The following TNFRSF8 variants were observed in gnomAD, a reference collection of about 807,000 sequenced individuals.
TNFRSF8 encodes TNF receptor superfamily member 8, also known as tumor necrosis factor receptor superfamily member 8.
In TNFRSF8, 26 loss-of-function variants were observed where a neutral mutation model predicts 70.8. That is an observed-to-expected ratio of 0.37 (90% confidence interval 0.27 to 0.51). The LOEUF (loss-of-function observed/expected upper bound fraction) is 0.51, where lower values mean the gene tolerates loss of function less well. Among genes scored for constraint, TNFRSF8 ranks in the 20% least tolerant of loss-of-function variants. The probability of loss-of-function intolerance (pLI) is 0.94; values close to 1 mark genes in which losing one functional copy is unlikely to be tolerated. For synonymous variants in TNFRSF8, 356 were observed against 339.2 expected (o/e 1.05, Z -0.54); for missense variants, 720 against 807.9 (o/e 0.89, Z 1.32).
Position 12,109,399 on chromosome 1 carries a change from GCTTT to G in TNFRSF8, c.422-166_422-163del, listed in dbSNP as rs1413204148. On this transcript the variant is annotated intron_variant, in intron 4 of 14. Transcript: ENST00000263932. The surrounding 1 kb of genome is among the most constrained non-coding windows in gnomAD (Gnocchi z 4.4). The stretch of plus-strand genomic sequence containing the variant: ...GTAATTCCCCAGGGAAAGATAGGCT[GCTTT>G]ACTCTGAAGGGGAACGGGTGCCAGG... Among the ~76,000 whole-genome samples, 1 of 152,162 alleles carries G rather than the reference GCTTT, an allele frequency of 6.6e-6. No individual in the cohort carries two copies. The highest frequency in any genetic ancestry group is 1.9e-4 in the East Asian group (1 of 5,192).
At chr1:12,070,847 G>A (rs776835462) in intron 1 of TNFRSF8, among the ~76,000 whole-genome samples, 3 of 152,194 alleles carry the variant, frequency 2.0e-5, no homozygotes, top group Non-Finnish European at 2.9e-5. Context: ...GGGGTTGGGT[G>A]TTGAAATGTG....
In TNFRSF8 at chr1:12,088,965, A is replaced by G. The variant is rs963407012; in HGVS notation, c.151+4414A>G. 3.3e-5 allele frequency among the ~76,000 whole-genome samples: 5 copies of G among 152,052 alleles called. No homozygotes were observed. Among genetic ancestry groups the G allele is most frequent in the African/African-American group, 1.2e-4 (5 of 41,460 alleles). The stretch of plus-strand genomic sequence containing the variant: ...GTGCCCTCTGACACTGTCCCAGCAG[A>G]GCCCCCTCACAGCACCTCCTGGCCC... On this transcript the variant is annotated intron_variant, in intron 2 of 14. Coordinates refer to ENST00000263932, the MANE Select transcript of TNFRSF8 (RefSeq NM_001243.5). This position sits in a 1 kb window ranked among gnomAD's most constrained non-coding sequence, Gnocchi z 4.0.
chr1:12,142,280 C>T lies in TNFRSF8; in HGVS notation c.1544-7C>T, dbSNP rs1451877062. ...CTCCCTCGCTCACCCATCCTTTTGC[C>T]TTGCAGAGAAAATCTACATCATGAA... is the stretch of plus-strand genomic sequence containing the variant. On this transcript the variant is annotated splice_polypyrimidine_tract_variant and splice_region_variant and intron_variant, in intron 14 of 14. Coordinates refer to ENST00000263932, the MANE Select transcript of TNFRSF8 (RefSeq NM_001243.5). This position sits in a 1 kb window ranked among gnomAD's most constrained non-coding sequence, Gnocchi z 5.0. 4.4e-6 allele frequency: 7 copies of T among 1,583,174 alleles called. No homozygotes were observed. The Admixed American group carries it at 5.3e-5, about 12-fold the overall frequency.
chr1:12,105,623 T>C (rs1243287056), intron 4 of TNFRSF8, among the ~76,000 whole-genome samples: 2 of 151,768 alleles, frequency 1.3e-5, no homozygotes, highest in African/African-American at 4.8e-5. Flanking sequence ...AATGCTTCAG[T>C]ATCTTCCTGT....
At chr1:12,140,145 G>A (rs535200744) in intron 14 of TNFRSF8, among the ~76,000 whole-genome samples, 1 of 152,372 alleles carries the variant, frequency 6.6e-6, no homozygotes, top group South Asian at 2.1e-4. Context: ...GGAGAAGGAA[G>A]TACCAGGCTC....
At chr1:12,135,384 A>G (rs1258266290) in intron 12 of TNFRSF8, among the ~76,000 whole-genome samples, 1 of 149,464 alleles carries the variant, frequency 6.7e-6, no homozygotes, top group Non-Finnish European at 1.5e-5. Context: ...TCCATCTGCC[A>G]CTGGAGAAGT....
rs1445787743 is a variant in TNFRSF8 at position 12,135,601 on chromosome 1, G to C, written c.1323G>C (p.Arg441Ser). 6.2e-7 allele frequency: 1 copy of C among 1,614,146 alleles called. No individual in the cohort carries two copies. The highest frequency in any genetic ancestry group is 8.5e-7 in the Non-Finnish European group (1 of 1,180,016). ...TGCTTTTTGCAGATTCCAGACCCAG[G>C]AGGAGCTCAACGGTAAGTACCCCTC... ...PKLELVDSRPRRSSTQLRSGA... is the reference protein window; with the variant it reads ...PKLELVDSRPSRSSTQLRSGA... Residue 441 changes from arginine to serine, a missense_variant, in exon 13 of 15, where the codon AGG becomes AGC. Coordinates refer to ENST00000263932, the MANE Select transcript of TNFRSF8 (RefSeq NM_001243.5).
At chr1:12,094,190 A>G (rs933530651) in intron 2 of TNFRSF8, among the ~76,000 whole-genome samples, 1 of 152,166 alleles carries the variant, frequency 6.6e-6, no homozygotes, top group African/African-American at 2.4e-5. Context: ...GATTGAGCTC[A>G]CAAATAAATG....
At chr1:12,137,683 G>A (rs1367362959) in intron 13 of TNFRSF8, among the ~76,000 whole-genome samples, 1 of 151,522 alleles carries the variant, frequency 6.6e-6, no homozygotes, top group Non-Finnish European at 1.5e-5. Flanking sequence ...TTTTTAGAAT[G>A]CTTGAGTGTG....
intron 8 of TNFRSF8, among the ~76,000 whole-genome samples, chr1:12,118,591 G>A (rs11811120): frequency 1.3e-5 from 2 of 152,272 alleles, no homozygotes; most frequent in Middle Eastern, 3.4e-3. Flanking sequence ...AATTCACGAA[G>A]TCGTTACATC....
intron 3 of TNFRSF8, among the ~76,000 whole-genome samples, chr1:12,099,531 C>T (rs1641384244): frequency 6.6e-6 from 1 of 152,082 alleles, no homozygotes; most frequent in Non-Finnish European, 1.5e-5. Flanking sequence ...GTTCCTCCTG[C>T]CTCAGCCTCC....
At chr1:12,099,250 G>A (rs751643363) in intron 3 of TNFRSF8, among the ~76,000 whole-genome samples, 1 of 151,810 alleles carries the variant, frequency 6.6e-6, no homozygotes, top group Non-Finnish European at 1.5e-5. Flanking sequence ...TCCTGGATTC[G>A]AGCGATTCTC....
intron 8 of TNFRSF8, among the ~76,000 whole-genome samples, chr1:12,122,884 A>G (rs1641858038): frequency 6.6e-6 from 1 of 151,874 alleles, no homozygotes; most frequent in African/African-American, 2.4e-5. Flanking sequence ...GCTGGAGTGC[A>G]GTGGCATGAT....
intron 1 of TNFRSF8, among the ~76,000 whole-genome samples, chr1:12,083,954 G>C (rs1218001385): frequency 6.6e-6 from 1 of 152,162 alleles, no homozygotes; most frequent in Non-Finnish European, 1.5e-5. Context: ...GATGACGGAG[G>C]AGCTGGGGCT....
In TNFRSF8 at chr1:12,110,122, C is replaced by G; in HGVS notation, c.594C>G (p.Thr198=). Residue 198 remains threonine (T), a synonymous_variant, in exon 6 of 15, where the codon ACC becomes ACG. Coordinates refer to ENST00000263932, the MANE Select transcript of TNFRSF8 (RefSeq NM_001243.5). The surrounding 1 kb of genome is among the most constrained non-coding windows in gnomAD (Gnocchi z 4.0). Reference sequence around the variant, plus strand: ...GCACCATGCCTGTAAGAGGGGGCACCCGCCTCGCCCAGGAAGCTGCTTCTA... The same window carrying G: ...GCACCATGCCTGTAAGAGGGGGCACGCGCCTCGCCCAGGAAGCTGCTTCTA... ...SASTMPVRGG[T]RLAQEAASKL... 1 of 1,613,746 alleles carries G rather than the reference C, an allele frequency of 6.2e-7. No homozygotes were observed.
At chr1:12,132,504 T>G (rs1352807429) in intron 12 of TNFRSF8, among the ~76,000 whole-genome samples, 1 of 152,180 alleles carries the variant, frequency 6.6e-6, no homozygotes, top group African/African-American at 2.4e-5. Context: ...AGTTATGCAT[T>G]GGGGGAAGAA....
intron 2 of TNFRSF8, among the ~76,000 whole-genome samples, chr1:12,091,976 T>TA (rs1236836667): frequency 2.0e-5 from 3 of 151,978 alleles, no homozygotes; most frequent in Non-Finnish European, 4.4e-5. Flanking sequence ...GCTCAGGAGG[T>TA]AATGCTCGCT....
intron 1 of TNFRSF8, among the ~76,000 whole-genome samples, chr1:12,068,376 G>T (rs940960689): frequency 6.6e-6 from 1 of 152,150 alleles, no homozygotes; most frequent in South Asian, 2.1e-4. Flanking sequence ...AGGCCCAGAG[G>T]TAGGGGAGAG....
At chr1:12,101,936 A>G (rs1278758958) in intron 3 of TNFRSF8, among the ~76,000 whole-genome samples, 1 of 152,118 alleles carries the variant, frequency 6.6e-6, no homozygotes, top group Admixed American at 6.5e-5. Flanking sequence ...CGGCCTCCCA[A>G]AGTGCTGGGA....
Sources: allele counts gnomAD v4.1 joint callset (sites outside exome capture counted in the v4.1 genomes callset), GRCh38; gene constraint gnomAD v4.1.1; non-coding constraint Gnocchi (gnomAD v3.1); transcripts MANE v1.5; gene names NCBI Gene and HGNC (gene_info 2026-07-23, HGNC 2026-07-21).